SKIC3: variants seen among roughly 807,000 people sequenced by gnomAD.
SKIC3 encodes the protein SKI3 subunit of superkiller complex.
the SKIC3 span, chr5:95,530,319 T>G: frequency 2.7e-6 from 4 of 1,460,040 alleles, no homozygotes; most frequent in South Asian, 4.7e-5. Context: ...TCTGCCTTTA[T>G]ATTCTTATGC....
chr5:95,545,881 G>T, the SKIC3 span, among the ~76,000 whole-genome samples: 2 of 151,950 alleles, frequency 1.3e-5, no homozygotes, highest in African/African-American at 4.8e-5. Context: ...TCAGTTATGT[G>T]ACCACCACAC....
chr5:95,465,751 G>A, the SKIC3 span, among the ~76,000 whole-genome samples: 1 of 152,132 alleles, frequency 6.6e-6, no homozygotes, highest in Admixed American at 6.6e-5. Context: ...TTACAAGAAG[G>A]GAACCCTAAG....
At chr5:95,521,100 T>G in the SKIC3 span, among the ~76,000 whole-genome samples, 1 of 152,006 alleles carries the variant, frequency 6.6e-6, no homozygotes, top group Admixed American at 6.6e-5. Flanking sequence ...CTGCTAAAAC[T>G]TTGGCTACAA....
the SKIC3 span, among the ~76,000 whole-genome samples, chr5:95,469,551 A>G: frequency 1.3e-5 from 2 of 152,190 alleles, no homozygotes; most frequent in Non-Finnish European, 2.9e-5. Flanking sequence ...CTCATGCCCT[A>G]TAAATATGTA....
chr5:95,491,111 TAA>T, the SKIC3 span: 3 of 1,577,066 alleles, frequency 1.9e-6, no homozygotes, highest in Non-Finnish European at 2.6e-6. Context: ...AAAATGAGAT[TAA>T]GAGTTTACAA....
At chr5:95,526,463 G>A in the SKIC3 span, among the ~76,000 whole-genome samples, 2 of 151,026 alleles carry the variant, frequency 1.3e-5, no homozygotes, top group African/African-American at 2.4e-5. Context: ...GGTTGTGTCT[G>A]ACTGTCTTTT....
the SKIC3 span, among the ~76,000 whole-genome samples, chr5:95,466,495 G>A: frequency 6.6e-6 from 1 of 152,156 alleles, no homozygotes; most frequent in African/African-American, 2.4e-5. Flanking sequence ...AGAAAAAATT[G>A]TGCATTCCAC....
chr5:95,495,128 C>T, the SKIC3 span: 2 of 1,005,742 alleles, frequency 2.0e-6, no homozygotes, highest in Non-Finnish European at 3.1e-6. Context: ...TTCAGTTTTA[C>T]CACATTCACA....
chr5:95,515,174 T>C, the SKIC3 span: 1 of 407,382 alleles, frequency 2.5e-6, no homozygotes, highest in Non-Finnish European at 4.6e-6. Context: ...GGTTCTACCT[T>C]GTCATCTGCA....
chr5:95,550,068 C>T, the SKIC3 span, among the ~76,000 whole-genome samples: 1 of 152,030 alleles, frequency 6.6e-6, no homozygotes, highest in Non-Finnish European at 1.5e-5. Context: ...CTATTCTCCT[C>T]AATCTCAACT....
the SKIC3 span, chr5:95,502,903 T>C: frequency 1.2e-6 from 2 of 1,613,996 alleles, no homozygotes; most frequent in South Asian, 1.1e-5. Flanking sequence ...ATGTCTTGGC[T>C]ACATCCGTTT....
chr5:95,481,868 C>G, the SKIC3 span, among the ~76,000 whole-genome samples: 1 of 152,130 alleles, frequency 6.6e-6, no homozygotes, highest in South Asian at 2.1e-4. Flanking sequence ...GTCTATAAAT[C>G]TATATCAAAA....
the SKIC3 span, among the ~76,000 whole-genome samples, chr5:95,553,922 CACTAACAGATAA>C: frequency 6.6e-6 from 1 of 152,202 alleles, no homozygotes; most frequent in South Asian, 2.1e-4. Context: ...AATTCTGCTA[CACTAACAGATAA>C]ACTAACTGCA....
At chr5:95,471,667 C>A in the SKIC3 span, among the ~76,000 whole-genome samples, 1 of 152,184 alleles carries the variant, frequency 6.6e-6, no homozygotes, top group Non-Finnish European at 1.5e-5. Context: ...TGGCTGGTTC[C>A]TTTTCCCTAG....
At chr5:95,494,937 A>T in the SKIC3 span, 1 of 1,612,144 alleles carries the variant, frequency 6.2e-7, no homozygotes, top group Non-Finnish European at 8.5e-7. Context: ...TAAATTCAAC[A>T]TTTCCTTTGT....
the SKIC3 span, among the ~76,000 whole-genome samples, chr5:95,552,955 T>C: frequency 6.6e-6 from 1 of 152,046 alleles, no homozygotes; most frequent in Non-Finnish European, 1.5e-5. Flanking sequence ...AATGAATGGT[T>C]AAAAATAGAG....
the SKIC3 span, chr5:95,529,035 A>G: frequency 1.2e-6 from 2 of 1,613,762 alleles, no homozygotes; most frequent in Non-Finnish European, 8.5e-7. Flanking sequence ...CTTTAGGTCT[A>G]TGCATTTTGA....
chr5:95,533,288 A>AT, the SKIC3 span, among the ~76,000 whole-genome samples: 1 of 152,272 alleles, frequency 6.6e-6, no homozygotes, highest in South Asian at 2.1e-4. Flanking sequence ...AATGAAATAC[A>AT]TTTGTTCTCA....
chr5:95,538,634 A>G, the SKIC3 span, among the ~76,000 whole-genome samples: 1 of 152,168 alleles, frequency 6.6e-6, no homozygotes, highest in Non-Finnish European at 1.5e-5. Flanking sequence ...TTAAAGTTAC[A>G]AATAAAAAAA....
Sources: allele counts gnomAD v4.1 joint callset (sites outside exome capture counted in the v4.1 genomes callset), GRCh38; gene constraint gnomAD v4.1.1; transcripts MANE v1.5; gene names NCBI Gene and HGNC (gene_info 2026-07-23, HGNC 2026-07-21).